BICRA: variants seen among roughly 807,000 people sequenced by gnomAD.
The protein encoded by BICRA is BRD4-interacting chromatin-remodeling complex-associated protein.
Under a neutral mutation model 96.9 loss-of-function variants are expected in BICRA, and 31 were observed. That is an observed-to-expected ratio of 0.32 (90% CI 0.24 to 0.43). The LOEUF is 0.43. Among genes scored for constraint, BICRA ranks in the 20% least tolerant of loss-of-function variants. The pLI is 1.00. For synonymous variants in BICRA, 1,350 were observed against 1,071.8 expected (o/e 1.26, Z -5.07); for missense variants, 2,283 against 2,190.3 (o/e 1.04, Z -0.84).
At chr19:47,667,022 CTTTTTTT>C (rs1045708307) in intron 1 of BICRA, among the ~76,000 whole-genome samples, 10 of 143,128 alleles carry the variant, frequency 7.0e-5, no homozygotes, top group Non-Finnish European at 1.2e-4. Flanking sequence ...TGTCTTTTTT[CTTTTTTT>C]TTTTTTTGAG....
chr19:47,677,012 G>A (rs868166238), intron 5 of BICRA, among the ~76,000 whole-genome samples: 10 of 152,090 alleles, frequency 6.6e-5, no homozygotes, highest in Non-Finnish European at 1.3e-4. Flanking sequence ...CAGTCGGTTG[G>A]AGGCTGAGCC....
At chr19:47,668,610 C>G (rs2123570271) in intron 1 of BICRA, among the ~76,000 whole-genome samples, 1 of 151,640 alleles carries the variant, frequency 6.6e-6, no homozygotes, top group African/African-American at 2.4e-5. Flanking sequence ...GCCTCAGTCT[C>G]CTGAGTAGGC....
intron 1 of BICRA, among the ~76,000 whole-genome samples, chr19:47,669,695 C>T (rs982923128): frequency 5.3e-5 from 8 of 152,062 alleles, no homozygotes; most frequent in African/African-American, 1.2e-4. Context: ...CTCACTCTGT[C>T]GCCCAGGCTG....
At position 47,648,361 on chromosome 19, in the gene BICRA, T is replaced by A. The variant is rs114317387; in HGVS notation, c.-107-22082T>A. On this transcript the variant is annotated intron_variant, in intron 1 of 14. Transcript: ENST00000594866. ...GCCTGACAGCGTCACCTGTGGCCACTGAGAATCATCCTCCTTCAGGAGTCC... is the reference window on the plus strand; with the variant it reads ...GCCTGACAGCGTCACCTGTGGCCACAGAGAATCATCCTCCTTCAGGAGTCC... Among the ~76,000 whole-genome samples the A allele has an allele frequency of 1.7e-3, 254 of 152,082 alleles. 1 individual carries two copies. The highest frequency in any genetic ancestry group is 5.8e-3 in the African/African-American group (239 of 41,492).
chr19:47,696,518 T>G lies in BICRA; in HGVS notation c.3248+6T>G. 1 of 1,598,804 alleles carries G rather than the reference T, an allele frequency of 6.3e-7. No homozygotes were observed. The highest frequency in any genetic ancestry group is 1.1e-5 in the South Asian group (1 of 88,206). On this transcript the variant is annotated splice_donor_region_variant and intron_variant, in intron 11 of 14. Transcript: ENST00000594866. ...CAGCCCAGCAAGGAAGCCTGGTGAGTCCACACCCCATCCTTGCATGCCTGC... is the reference window on the plus strand; with the variant it reads ...CAGCCCAGCAAGGAAGCCTGGTGAGGCCACACCCCATCCTTGCATGCCTGC...
intron 1 of BICRA, among the ~76,000 whole-genome samples, chr19:47,667,179 G>A (rs529745806): frequency 6.6e-6 from 1 of 151,910 alleles, no homozygotes; most frequent in Non-Finnish European, 1.5e-5. Context: ...CCCCCACGCC[G>A]GGCTCATTTT....
At position 47,683,747 on chromosome 19, in the gene BICRA, GC is replaced by G. The variant is rs577044822; in HGVS notation, c.2283+1596del. ...CTACAGGCGCCCGCCACCACGCCGG[GC>G]TAATTTTTTGTATTTTTAGTAGAGA... On this transcript the variant is annotated intron_variant, in intron 7 of 14. Coordinates refer to ENST00000594866, the MANE Select transcript of BICRA (RefSeq NM_001394372.1). 2.5e-4 allele frequency among the ~76,000 whole-genome samples: 38 copies of G among 152,264 alleles called. No individual in the cohort carries two copies. The East Asian group carries it at 5.0e-3, about 20-fold the overall frequency.
Position 47,680,467 on chromosome 19 carries a change from G to A in BICRA, c.1297G>A (p.Gly433Arg), listed in dbSNP as rs769129135. 5 of 1,540,290 alleles carry A rather than the reference G, an allele frequency of 3.2e-6. No homozygotes were observed. The highest frequency in any genetic ancestry group is 2.4e-5 in the South Asian group (2 of 83,970). Residue 433 changes from glycine to arginine, a missense_variant, in exon 6 of 15, where the codon GGA becomes AGA. Coordinates refer to ENST00000594866, the MANE Select transcript of BICRA (RefSeq NM_001394372.1). The stretch of plus-strand genomic sequence containing the variant: ...CAAGCAGCCACCGGCCACCACCACC[G>A]GAGCGGCCCCGCCGCAGCCCCCCGG... ...VFKQPPATTT[G>R]AAPPQPPGAL... is the part of the protein sequence containing the mutation.
chr19:47,636,449 T>G (rs747526306), intron 1 of BICRA, among the ~76,000 whole-genome samples: 6 of 152,176 alleles, frequency 3.9e-5, no homozygotes, highest in Admixed American at 1.3e-4. Flanking sequence ...GCTCAAGTGA[T>G]CCTCCTGCCT....
intron 1 of BICRA, among the ~76,000 whole-genome samples, chr19:47,612,430 T>A (rs941838977): frequency 6.6e-5 from 10 of 150,824 alleles, no homozygotes; most frequent in African/African-American, 1.5e-4. Context: ...AAAAAATAAA[T>A]AAAATAAAAA....
At chr19:47,639,633 T>G (rs1420212983) in intron 1 of BICRA, among the ~76,000 whole-genome samples, 1 of 12,136 alleles carries the variant, frequency 8.2e-5, no homozygotes, top group Non-Finnish European at 1.4e-4. Context: ...CAGCCAATTT[T>G]TTTTTTTTTT....
At chr19:47,689,895 G>A (rs1255904778) in intron 7 of BICRA, among the ~76,000 whole-genome samples, 2 of 152,210 alleles carry the variant, frequency 1.3e-5, no homozygotes, top group Non-Finnish European at 2.9e-5. Flanking sequence ...GTACAGAAGA[G>A]CCACAGTTCA....
At chr19:47,667,621 TC>T (rs1972802125) in intron 1 of BICRA, among the ~76,000 whole-genome samples, 1 of 152,102 alleles carries the variant, frequency 6.6e-6, no homozygotes, top group African/African-American at 2.4e-5. Context: ...AATCCTGTGT[TC>T]CAGGGTCTTG....
chr19:47,651,270 T>C (rs1445132684), intron 1 of BICRA, among the ~76,000 whole-genome samples: 1 of 152,086 alleles, frequency 6.6e-6, no homozygotes, highest in African/African-American at 2.4e-5. Context: ...TCGTTGTCTG[T>C]CTGACCTCGC....
intron 1 of BICRA, among the ~76,000 whole-genome samples, chr19:47,637,792 A>G (rs1481394616): frequency 2.0e-5 from 3 of 152,072 alleles, no homozygotes. Context: ...ATGATCGTAC[A>G]CTAGCCGATC....
chr19:47,648,346 G>A (rs977236526), intron 1 of BICRA, among the ~76,000 whole-genome samples: 4 of 151,950 alleles, frequency 2.6e-5, no homozygotes, highest in African/African-American at 9.7e-5. Flanking sequence ...GCCTGACAGC[G>A]TCACCTGTGG....
chr19:47,608,892 G>A (rs1568542168), upstream of BICRA, among the ~76,000 whole-genome samples: 1 of 40,762 alleles, frequency 2.5e-5, no homozygotes, highest in African/African-American at 1.1e-4. Flanking sequence ...AAACCTGAGA[G>A]GTTTTTTTTT....
At chr19:47,657,561 T>A (rs1972638243) in intron 1 of BICRA, among the ~76,000 whole-genome samples, 1 of 151,938 alleles carries the variant, frequency 6.6e-6, no homozygotes, top group Admixed American at 6.6e-5. Flanking sequence ...CACTCCCGGC[T>A]AATATTTTGT....
At position 47,680,643 on chromosome 19, in the gene BICRA, C is replaced by G. The variant is rs369392055; in HGVS notation, c.1473C>G (p.Ala491=). 374 of 1,609,406 alleles carry G rather than the reference C, an allele frequency of 2.3e-4. No individual in the cohort carries two copies. Among genetic ancestry groups the G allele is most frequent in the Non-Finnish European group, 3.0e-4 (354 of 1,178,158 alleles). Residue 491 remains alanine (A), a synonymous_variant, in exon 6 of 15, where the codon GCC becomes GCG. Transcript: ENST00000594866. ...CGCAGCAGCTCTCAGCCCTGCCGGC[C>G]AACGTGGGCGGGCAGATCCTGGCGG... is the stretch of plus-strand genomic sequence containing the variant. ...QLPQQLSALP[A]NVGGQILAAA...
Sources: allele counts gnomAD v4.1 joint callset (sites outside exome capture counted in the v4.1 genomes callset), GRCh38; gene constraint gnomAD v4.1.1; transcripts MANE v1.5; gene names NCBI Gene and HGNC (gene_info 2026-07-23, HGNC 2026-07-21).